ZPLD1: variants seen among roughly 807,000 people sequenced by gnomAD.
The protein encoded by ZPLD1 is zona pellucida-like domain-containing protein 1.
A neutral mutation model predicts 47.2 loss-of-function variants in ZPLD1; 34 were observed. The observed-to-expected ratio is 0.72, with a 90% CI of 0.55 to 0.96. The LOEUF (loss-of-function observed/expected upper bound fraction) is 0.96. Ranked by LOEUF, ZPLD1 falls within the 40% of genes least tolerant of loss-of-function variation. The pLI is 0.00. For synonymous variants in ZPLD1, 176 were observed against 186.2 expected (o/e 0.95, Z 0.45); for missense variants, 512 against 505.8 (o/e 1.01, Z -0.12).
chr3:102,458,174 G>C (rs1707448569), intron 6 of ZPLD1, among the ~76,000 whole-genome samples: 1 of 152,088 alleles, frequency 6.6e-6, no homozygotes, highest in African/African-American at 2.4e-5. Flanking sequence ...GCTACAGTTA[G>C]CTTCAAGATT....
chr3:102,468,933 A>T, intron 8 of ZPLD1, 31 bp from the exon 9 acceptor site: 1 of 1,592,792 alleles, frequency 6.3e-7, no homozygotes, highest in Non-Finnish European at 8.5e-7. Context: ...CTTTCCAGTG[A>T]TGTCCTGTTT....
At chr3:102,394,061 A>G (rs1348222210) in intron 7 of ZPLD1, among the ~76,000 whole-genome samples, 1 of 152,172 alleles carries the variant, frequency 6.6e-6, no homozygotes, top group East Asian at 1.9e-4. Context: ...TTACAAAGTG[A>G]AAAACCTTTT....
chr3:102,398,549 T>C (rs1706582553), intron 7 of ZPLD1, among the ~76,000 whole-genome samples: 4 of 152,074 alleles, frequency 2.6e-5, no homozygotes, highest in Admixed American at 2.6e-4. Context: ...AGAGACATCT[T>C]CCTAAAACAC....
chr3:102,477,457 C>T lies in ZPLD1; in HGVS notation c.1087C>T (p.Pro363Ser). 11 of 1,612,060 alleles carry T rather than the reference C, an allele frequency of 6.8e-6. No homozygotes were observed. Among genetic ancestry groups the T allele is most frequent in the Non-Finnish European group, 9.3e-6 (11 of 1,179,200 alleles). ...ATTATTTGCAGGTTCTCCAAGTATGCCTCCCTTCCAGCTGAACGCCATCAC... is the reference window on the plus strand; with the variant it reads ...ATTATTTGCAGGTTCTCCAAGTATGTCTCCCTTCCAGCTGAACGCCATCAC... ...NNSQLGSPSM[P>S]PFQLNAITSA... The change falls in exon 12 of 12, where the codon CCT becomes TCT. Residue 363 changes from proline to serine, a missense_variant. By Grantham distance (74) the Pro-to-Ser change is moderately conservative. Transcript: ENST00000466937.
Position 102,477,644 on chromosome 3 carries a change from G to T in ZPLD1, c.*26G>T. On this transcript the variant is annotated 3_prime_UTR_variant, in exon 12 of 12. Transcript: ENST00000466937. ...CTATAACAGATTCCTGCTCTCTGGAGAAGGCTTCACTGACTAAACTATGTG... is the reference window on the plus strand; with the variant it reads ...CTATAACAGATTCCTGCTCTCTGGATAAGGCTTCACTGACTAAACTATGTG... 1 of 1,584,464 alleles carries T rather than the reference G, an allele frequency of 6.3e-7. No individual in the cohort carries two copies. Among genetic ancestry groups the T allele is most frequent in the Non-Finnish European group, 8.6e-7 (1 of 1,166,666 alleles).
chr3:102,418,435 C>T (rs1409707443), intron 8 of ZPLD1, among the ~76,000 whole-genome samples: 1 of 151,940 alleles, frequency 6.6e-6, no homozygotes, highest in Non-Finnish European at 1.5e-5. Flanking sequence ...TACTTGGGTG[C>T]AGGAAGATAG....
chr3:102,411,981 A>G (rs143301238), intron 7 of ZPLD1, among the ~76,000 whole-genome samples: 1 of 151,890 alleles, frequency 6.6e-6, no homozygotes, highest in African/African-American at 2.4e-5. Context: ...GCGGACTGGC[A>G]GGCTAGAAAT....
At position 102,477,465 on chromosome 3, in the gene ZPLD1, C is replaced by T. The variant is rs199929007; in HGVS notation, c.1095C>T (p.Phe365=). The part of the protein sequence containing the change: ...SQLGSPSMPP[F]QLNAITSALI... The stretch of plus-strand genomic sequence containing the variant: ...CAGGTTCTCCAAGTATGCCTCCCTT[C>T]CAGCTGAACGCCATCACCAGCGCAC... The change falls in exon 12 of 12, where the codon TTC becomes TTT. Residue 365 remains phenylalanine (F), a synonymous_variant. Coordinates refer to ENST00000466937, the MANE Select transcript of ZPLD1 (RefSeq NM_001329788.2). The T allele has an allele frequency of 6.2e-7, 1 of 1,612,846 alleles. No individual in the cohort carries two copies. Among genetic ancestry groups the T allele is most frequent in the Non-Finnish European group, 8.5e-7 (1 of 1,179,460 alleles).
chr3:102,438,612 T>C lies in ZPLD1; in HGVS notation c.106+19T>C. ...TTTCCTGGTAAGTGTAAGCCTAATC[T>C]ATTCTCTAGTTGTTTCTGGAAGAGT... On this transcript the variant is annotated intron_variant, in intron 3 of 11. Coordinates refer to ENST00000466937, the MANE Select transcript of ZPLD1 (RefSeq NM_001329788.2). 1 of 1,563,140 alleles carries C rather than the reference T, an allele frequency of 6.4e-7. No homozygotes were observed. Among genetic ancestry groups the C allele is most frequent in the African/African-American group, 1.3e-5 (1 of 74,080 alleles).
chr3:102,474,162 C>A lies in ZPLD1; in HGVS notation c.1043-2850C>A, dbSNP rs543613640. Among the ~76,000 whole-genome samples the A allele has an allele frequency of 2.6e-5, 4 of 152,254 alleles. No homozygotes were observed. The South Asian group carries it at 8.3e-4, about 32-fold the overall frequency. On this transcript the variant is annotated intron_variant, in intron 10 of 11. Transcript: ENST00000466937. ...TCTTCACACCCTCATAATGCAACCC[C>A]TCAAGAAAAATTTCCTGAAGTGTTC...
At chr3:102,474,537 A>T (rs191787820) in intron 10 of ZPLD1, among the ~76,000 whole-genome samples, 1 of 152,268 alleles carries the variant, frequency 6.6e-6, no homozygotes, top group East Asian at 1.9e-4. Flanking sequence ...AAAAGTAAAA[A>T]GGTCGGTGCT....
intron 1 of ZPLD1, 80 bp downstream of exon 1, chr3:102,435,234 T>G: frequency 6.6e-7 from 1 of 1,516,130 alleles, no homozygotes; most frequent in Non-Finnish European, 9.2e-7. Context: ...AAAGAAGGCT[T>G]GAAAATGTCG....
Position 102,477,724 on chromosome 3 carries a change from T to A in ZPLD1, c.*106T>A. The A allele has an allele frequency of 1.8e-6, 2 of 1,107,202 alleles. No homozygotes were observed. The highest frequency in any genetic ancestry group is 2.5e-6 in the Non-Finnish European group (2 of 792,774). 68.6% of individuals were successfully genotyped at this position (1,107,202 alleles called of 1,614,324 possible). ...CATGTCAGTCCACATTCAATATTTG[T>A]AGGTTTGATAAATTTCACAGTATAG... On this transcript the variant is annotated 3_prime_UTR_variant, in exon 12 of 12. Coordinates refer to ENST00000466937, the MANE Select transcript of ZPLD1 (RefSeq NM_001329788.2).
At chr3:102,466,876 C>T (rs1193229635) in intron 8 of ZPLD1, among the ~76,000 whole-genome samples, 1 of 150,548 alleles carries the variant, frequency 6.6e-6, no homozygotes, top group Admixed American at 6.6e-5. Context: ...TAGAATTGTC[C>T]CCCCAAAAGC....
At chr3:102,402,496 A>C (rs1217756711) in intron 7 of ZPLD1, among the ~76,000 whole-genome samples, 1 of 152,022 alleles carries the variant, frequency 6.6e-6, no homozygotes, top group Non-Finnish European at 1.5e-5. Flanking sequence ...TAATCTGAGG[A>C]TCTCAGAAAT....
rs1490142310 is a variant in ZPLD1 at position 102,478,103 on chromosome 3, C to T, written c.*485C>T. 1 of 152,248 alleles carries T rather than the reference C, an allele frequency of 6.6e-6. No homozygotes were observed. The highest frequency in any genetic ancestry group is 1.5e-5 in the Non-Finnish European group (1 of 68,102). 9.4% of individuals were successfully genotyped at this position (152,248 alleles called of 1,614,324 possible). A position where few individuals can be genotyped will look rare whatever the true frequency, so the allele number is the denominator to read the frequency against. On this transcript the variant is annotated 3_prime_UTR_variant, in exon 12 of 12. Coordinates refer to ENST00000466937, the MANE Select transcript of ZPLD1 (RefSeq NM_001329788.2). ...TTAATAGGACTGGCCAATTTGGATA[C>T]CTGAGATTTAACTACTCATTCTATG...
intron 5 of ZPLD1, among the ~76,000 whole-genome samples, 176 bp downstream of exon 5, chr3:102,456,550 T>TATCTATC (rs1707418506): frequency 1.6e-5 from 1 of 62,966 alleles, no homozygotes; most frequent in South Asian, 4.3e-4. Context: ...CTATTATATC[T>TATCTATC]ATCTATCTAT....
At chr3:102,433,596 C>T (rs1707043787), upstream of ZPLD1, among the ~76,000 whole-genome samples, 1 of 152,182 alleles carries the variant, frequency 6.6e-6, no homozygotes, top group Non-Finnish European at 1.5e-5. Flanking sequence ...GGCGTGATCT[C>T]GGCTCACTGC....
chr3:102,477,768 G>C lies in ZPLD1; in HGVS notation c.*150G>C, dbSNP rs1707781017. 1 of 698,800 alleles carries C rather than the reference G, an allele frequency of 1.4e-6. No individual in the cohort carries two copies. The allele number at this position is 698,800 out of a possible 1,614,324, so 43.3% of individuals were successfully genotyped here. A position where few individuals can be genotyped will look rare whatever the true frequency, so the allele number is the denominator to read the frequency against. ...AGTATAGCTTGTCAGCATAATGATA[G>C]TGAAAGAAGTTTATTATATTGCTAT... On this transcript the variant is annotated 3_prime_UTR_variant, in exon 12 of 12. Coordinates refer to ENST00000466937, the MANE Select transcript of ZPLD1 (RefSeq NM_001329788.2).
Sources: allele counts gnomAD v4.1 joint callset (sites outside exome capture counted in the v4.1 genomes callset), GRCh38; gene constraint gnomAD v4.1.1; transcripts MANE v1.5; gene names NCBI Gene and HGNC (gene_info 2026-07-23, HGNC 2026-07-21).